DUSP19: variants seen among roughly 807,000 people sequenced by gnomAD.
The protein encoded by DUSP19 is dual specificity protein phosphatase 19.
In DUSP19, 14 loss-of-function variants were observed where a neutral mutation model predicts 16.6. The ratio of observed to expected loss-of-function variants is 0.84; its 90% CI spans 0.56 to 1.32. DUSP19 has a LOEUF of 1.32. DUSP19 is among the 40% of genes most tolerant of loss of function. DUSP19 has a pLI of 0.00. For synonymous variants in DUSP19, 81 were observed against 90.5 expected (o/e 0.90, Z 0.59); for missense variants, 258 against 255.9 (o/e 1.01, Z -0.06).
intron 1 of DUSP19, among the ~76,000 whole-genome samples, chr2:183,082,486 C>T (rs1288420938): frequency 1.4e-5 from 2 of 139,606 alleles, no homozygotes; most frequent in Admixed American, 7.6e-5. Flanking sequence ...TGCAGTGGCA[C>T]GATCTTGGCT....
At chr2:183,086,955 G>A (rs1699670552) in intron 2 of DUSP19, 85 bp from the exon 3 acceptor site, 3 of 1,353,498 alleles carry the variant, frequency 2.2e-6, no homozygotes, top group South Asian at 2.6e-5. Flanking sequence ...TACCTTTCTT[G>A]TTATAGATAT....
Position 183,096,254 on chromosome 2 carries a change from T to A in DUSP19, c.*596T>A, listed in dbSNP as rs1699800545. On this transcript the variant is annotated 3_prime_UTR_variant, in exon 4 of 4. Transcript: ENST00000354221. ...GTCTTCTTCTTTTTTTTTCTTTTTT[T>A]AGATGGAGTTTGGCTCTTGTCACCC... The A allele has an allele frequency of 6.6e-6, 1 of 151,752 alleles. No individual in the cohort carries two copies. The highest frequency in any genetic ancestry group is 1.5e-5 in the Non-Finnish European group (1 of 67,964). 9.4% of individuals were successfully genotyped at this position (151,752 alleles called of 1,614,324 possible). A position where few individuals can be genotyped will look rare whatever the true frequency, so the allele number is the denominator to read the frequency against.
chr2:183,094,624 A>G (rs1470685771), intron 3 of DUSP19, among the ~76,000 whole-genome samples: 1 of 152,106 alleles, frequency 6.6e-6, no homozygotes, highest in Non-Finnish European at 1.5e-5. Context: ...GGAAAGTATC[A>G]TTTGCAAGTT....
At chr2:183,090,908 C>T (rs1263522379) in intron 3 of DUSP19, among the ~76,000 whole-genome samples, 1 of 152,190 alleles carries the variant, frequency 6.6e-6, no homozygotes, top group Non-Finnish European at 1.5e-5. Flanking sequence ...GATCCCTGCT[C>T]AGGAGGGGAG....
chr2:183,089,854 A>G (rs1699710408), intron 3 of DUSP19, among the ~76,000 whole-genome samples: 1 of 152,220 alleles, frequency 6.6e-6, no homozygotes, highest in Admixed American at 6.5e-5. Flanking sequence ...AGCTCACTGC[A>G]ACTCCACCTC....
chr2:183,094,089 G>A (rs1402235383), intron 3 of DUSP19, among the ~76,000 whole-genome samples: 1 of 152,124 alleles, frequency 6.6e-6, no homozygotes, highest in African/African-American at 2.4e-5. Flanking sequence ...ATAGAAAAGA[G>A]TAATATCCCA....
At chr2:183,085,856 T>TG (rs1220389957) in intron 2 of DUSP19, among the ~76,000 whole-genome samples, 22 of 93,536 alleles carry the variant, frequency 2.4e-4, no homozygotes, top group East Asian at 1.2e-3. Flanking sequence ...GGTTTTTTTT[T>TG]TTTTTTTTTT....
intron 1 of DUSP19, 92 bp from the exon 2 acceptor site, chr2:183,083,413 CTTT>C: frequency 9.1e-7 from 1 of 1,102,522 alleles, no homozygotes; most frequent in Non-Finnish European, 1.3e-6. Flanking sequence ...AGTTGTTGGT[CTTT>C]TTTTTTTAAT....
chr2:183,085,053 G>A (rs1019789793), intron 2 of DUSP19, among the ~76,000 whole-genome samples: 38 of 152,252 alleles, frequency 2.5e-4, no homozygotes, highest in African/African-American at 9.1e-4. Flanking sequence ...GAGAAACAGT[G>A]TGCTCAGTTC....
At chr2:183,084,637 T>G (rs1178636952) in intron 2 of DUSP19, among the ~76,000 whole-genome samples, 1 of 152,176 alleles carries the variant, frequency 6.6e-6, no homozygotes, top group Admixed American at 6.5e-5. Flanking sequence ...AAGTTAGTTG[T>G]GTGGACTTGA....
intron 1 of DUSP19, chr2:183,083,299 A>G (rs927999337): frequency 4.2e-6 from 2 of 472,220 alleles, no homozygotes; most frequent in African/African-American, 3.9e-5. Flanking sequence ...AACATCTATA[A>G]CTTTTAGGAC....
chr2:183,079,017 A>G lies in DUSP19; in HGVS notation c.84A>G (p.Gly28=), dbSNP rs778415197. 31 of 1,614,052 alleles carry G rather than the reference A, an allele frequency of 1.9e-5. No homozygotes were observed. Among genetic ancestry groups the G allele is most frequent in the Non-Finnish European group, 2.5e-5 (29 of 1,180,036 alleles). Residue 28 remains glycine (G), a synonymous_variant, in exon 1 of 4, where the codon GGA becomes GGG. Coordinates refer to ENST00000354221, the MANE Select transcript of DUSP19 (RefSeq NM_080876.4). ...GCACCAGGGTGACAACGCTAACTGGAAAGAAAATTATAGAAACATGGAAAG... is the reference window on the plus strand; with the variant it reads ...GCACCAGGGTGACAACGCTAACTGGGAAGAAAATTATAGAAACATGGAAAG... The part of the protein sequence containing the change: ...KQCTRVTTLT[G]KKIIETWKDA...
At chr2:183,093,863 T>A (rs1699764584) in intron 3 of DUSP19, among the ~76,000 whole-genome samples, 1 of 152,162 alleles carries the variant, frequency 6.6e-6, no homozygotes, top group Non-Finnish European at 1.5e-5. Flanking sequence ...TGATTGCAAG[T>A]TTCTTTGGAG....
At chr2:183,086,970 AC>A (rs1252275533) in intron 2 of DUSP19, 69 bp from the exon 3 acceptor site, 14 of 1,467,134 alleles carry the variant, frequency 9.5e-6, no homozygotes, top group Non-Finnish European at 1.3e-5. Context: ...AGATATCAAC[AC>A]CCCAGTCTCT....
chr2:183,085,597 AAGAG>A (rs934848511), intron 2 of DUSP19, among the ~76,000 whole-genome samples: 2 of 151,962 alleles, frequency 1.3e-5, no homozygotes, highest in Admixed American at 6.6e-5. Flanking sequence ...GAAAAAAAAA[AAGAG>A]AGAGAGGAGC....
In DUSP19 at chr2:183,099,308, T is replaced by G. The variant is rs1699844019; in HGVS notation, c.*3650T>G. On this transcript the variant is annotated 3_prime_UTR_variant, in exon 4 of 4. Transcript: ENST00000354221. The stretch of plus-strand genomic sequence containing the variant: ...TAAAAACAACAGAAATGTGGCATGA[T>G]TACTTATTTATTTGTTCCAGGTGAC... 6.6e-6 allele frequency: 1 copy of G among 152,328 alleles called. No homozygotes were observed. The highest frequency in any genetic ancestry group is 2.1e-4 in the South Asian group (1 of 4,828). The allele number at this position is 152,328 out of a possible 1,614,324, so 9.4% of individuals were successfully genotyped here.
chr2:183,094,438 G>A (rs1252537018), intron 3 of DUSP19, among the ~76,000 whole-genome samples: 2 of 152,108 alleles, frequency 1.3e-5, no homozygotes, highest in Admixed American at 1.3e-4. Flanking sequence ...TAACTAAAAT[G>A]TCTAATTCTG....
rs535439092 is a variant in DUSP19, at chr2:183,094,896, G to A, written c.427-535G>A. 2.6e-5 allele frequency among the ~76,000 whole-genome samples: 4 copies of A among 152,244 alleles called. No homozygotes were observed. The South Asian group carries it at 8.3e-4, about 32-fold the overall frequency. ...TGGAGTATTTCTGGCTTTCTGTTTA[G>A]CTTATAGTTATGATTTTATTTTATG... On this transcript the variant is annotated intron_variant, in intron 3 of 3. Transcript: ENST00000354221.
intron 3 of DUSP19, among the ~76,000 whole-genome samples, chr2:183,087,406 A>G (rs952479224): frequency 6.6e-6 from 1 of 152,252 alleles, no homozygotes; most frequent in Non-Finnish European, 1.5e-5. Context: ...TATAAAACAG[A>G]GACTGCTCTA....
Sources: allele counts gnomAD v4.1 joint callset (sites outside exome capture counted in the v4.1 genomes callset), GRCh38; gene constraint gnomAD v4.1.1; transcripts MANE v1.5; gene names NCBI Gene and HGNC (gene_info 2026-07-23, HGNC 2026-07-21).